The following ZCCHC7 variants were observed in gnomAD, a reference collection of about 807,000 sequenced individuals.
The protein encoded by ZCCHC7 is zinc finger CCHC domain-containing protein 7.
Under a neutral mutation model 52.0 loss-of-function variants are expected in ZCCHC7, and 35 were observed. The ratio of observed to expected loss-of-function variants is 0.67; its 90% CI spans 0.51 to 0.89. ZCCHC7 has a LOEUF of 0.89. Among genes scored for constraint, ZCCHC7 ranks in the 40% least tolerant of loss-of-function variants. The pLI, the probability that ZCCHC7 is intolerant of heterozygous loss-of-function variation, is 0.00. For missense variants in ZCCHC7, 574 were observed against 649.1 expected, an observed-to-expected ratio of 0.88 and a Z score of 1.26; for synonymous variants, 217 against 221.5, an observed-to-expected ratio of 0.98 and a Z score of 0.18.
At chr9:37,123,971 G>T (rs1324362841) in intron 1 of ZCCHC7, among the ~76,000 whole-genome samples, 1 of 151,944 alleles carries the variant, frequency 6.6e-6, no homozygotes, top group East Asian at 1.9e-4. Flanking sequence ...TTACAGGTGG[G>T]TTTATTTGTT....
chr9:37,263,131 A>G (rs1826944258), intron 2 of ZCCHC7, among the ~76,000 whole-genome samples: 1 of 151,872 alleles, frequency 6.6e-6, no homozygotes, highest in African/African-American at 2.4e-5. Flanking sequence ...TATTTTTTTA[A>G]TTCTCTATTC....
At chr9:37,346,234 G>A (rs1268922030) in intron 6 of ZCCHC7, among the ~76,000 whole-genome samples, 1 of 152,040 alleles carries the variant, frequency 6.6e-6, no homozygotes, top group Non-Finnish European at 1.5e-5. Context: ...AACTCCTGAC[G>A]TCAGGTGATC....
intron 2 of ZCCHC7, among the ~76,000 whole-genome samples, chr9:37,241,585 G>A (rs557195779): frequency 2.6e-5 from 4 of 151,872 alleles, no homozygotes; most frequent in Non-Finnish European, 4.4e-5. Flanking sequence ...CATTTCATCT[G>A]GAATAATCAC....
At chr9:37,335,854 A>G (rs953660607) in intron 6 of ZCCHC7, among the ~76,000 whole-genome samples, 3 of 152,206 alleles carry the variant, frequency 2.0e-5, no homozygotes, top group Non-Finnish European at 4.4e-5. Flanking sequence ...TAAAATGTGT[A>G]TCATAAAAAT....
intron 2 of ZCCHC7, among the ~76,000 whole-genome samples, chr9:37,237,366 C>T (rs780200150): frequency 2.5e-4 from 38 of 152,234 alleles, no homozygotes; most frequent in Admixed American, 9.2e-4. Context: ...ATCTTTCTAG[C>T]AAGACTTAAG....
intron 2 of ZCCHC7, among the ~76,000 whole-genome samples, chr9:37,252,552 A>G (rs1826380448): frequency 6.6e-6 from 1 of 152,228 alleles, no homozygotes; most frequent in Admixed American, 6.5e-5. Flanking sequence ...ATGTAAACAC[A>G]GTAGTCTCCT....
At chr9:37,181,168 GCTTT>G (rs1299906314) in intron 2 of ZCCHC7, among the ~76,000 whole-genome samples, 2 of 152,008 alleles carry the variant, frequency 1.3e-5, no homozygotes, top group South Asian at 2.1e-4. Flanking sequence ...TTGTTTTGTA[GCTTT>G]CTTTGTTATT....
At chr9:37,300,364 G>A (rs1175723622) in intron 2 of ZCCHC7, among the ~76,000 whole-genome samples, 2 of 152,182 alleles carry the variant, frequency 1.3e-5, no homozygotes, top group South Asian at 2.1e-4. Flanking sequence ...GAAAGTTGTA[G>A]CAAAGCATGC....
chr9:37,354,876 C>G lies in ZCCHC7; in HGVS notation c.1198+52C>G. 3.1e-6 allele frequency: 4 copies of G among 1,277,898 alleles called. No individual in the cohort carries two copies. The highest frequency in any genetic ancestry group is 4.4e-6 in the Non-Finnish European group (4 of 899,282). 79.2% of individuals were successfully genotyped at this position (1,277,898 alleles called of 1,614,324 possible). On this transcript the variant is annotated intron_variant, in intron 8 of 8. Coordinates refer to ENST00000336755, the MANE Select transcript of ZCCHC7 (RefSeq NM_032226.3). The surrounding 1 kb of genome is among the most constrained non-coding windows in gnomAD (Gnocchi z 4.0). ...CACATTTGCAGTAGTTTCTAAATTTCTTTGTTTGTACTGTCTTTGCCTGCT... is the reference window on the plus strand; with the variant it reads ...CACATTTGCAGTAGTTTCTAAATTTGTTTGTTTGTACTGTCTTTGCCTGCT...
intron 2 of ZCCHC7, among the ~76,000 whole-genome samples, chr9:37,236,682 C>T (rs1158513040): frequency 6.6e-6 from 1 of 152,228 alleles, no homozygotes; most frequent in Non-Finnish European, 1.5e-5. Flanking sequence ...GCGTGAGCCA[C>T]TGCACCCGGC....
intron 2 of ZCCHC7, among the ~76,000 whole-genome samples, chr9:37,163,156 G>A (rs994038336): frequency 6.6e-6 from 1 of 151,522 alleles, no homozygotes; most frequent in African/African-American, 2.4e-5. Context: ...AGCCGAGATC[G>A]CACCACTGCA....
intron 6 of ZCCHC7, among the ~76,000 whole-genome samples, chr9:37,348,350 C>CTTTCTTTCTTTCTTTCTT (rs1821144018): frequency 1.4e-5 from 1 of 70,682 alleles, no homozygotes; most frequent in Non-Finnish European, 3.2e-5. Context: ...CCAGTTCGTT[C>CTTTCTTTCTTTCTTTCTT]TTTCTTTCTT....
At chr9:37,341,778 A>G (rs1820653519) in intron 6 of ZCCHC7, among the ~76,000 whole-genome samples, 1 of 152,068 alleles carries the variant, frequency 6.6e-6, no homozygotes. Context: ...CACTATATTA[A>G]ATCTGGGAGA....
intron 2 of ZCCHC7, among the ~76,000 whole-genome samples, chr9:37,292,180 AAAATT>A (rs777808514): frequency 6.6e-6 from 1 of 152,218 alleles, no homozygotes; most frequent in Non-Finnish European, 1.5e-5. Context: ...AATGTCTTAT[AAAATT>A]ATTTTTCATT....
chr9:37,343,977 G>C (rs1026609737), intron 6 of ZCCHC7, among the ~76,000 whole-genome samples: 1 of 152,110 alleles, frequency 6.6e-6, no homozygotes, highest in African/African-American at 2.4e-5. Context: ...TTCATGTGTT[G>C]CAAACTATTC....
At chr9:37,163,976 G>C (rs551156657) in intron 2 of ZCCHC7, among the ~76,000 whole-genome samples, 7 of 152,108 alleles carry the variant, frequency 4.6e-5, no homozygotes, top group African/African-American at 1.4e-4. Context: ...TTGAAAATCA[G>C]TTGTCTGTTG....
chr9:37,169,445 A>AT (rs913397738), intron 2 of ZCCHC7, among the ~76,000 whole-genome samples: 65 of 151,792 alleles, frequency 4.3e-4, no homozygotes, highest in Non-Finnish European at 2.1e-4. Context: ...ACTTTGTGAG[A>AT]TTTTTTTTTC....
At chr9:37,305,094 A>G (rs188952050) in intron 4 of ZCCHC7, among the ~76,000 whole-genome samples, 40 of 152,344 alleles carry the variant, frequency 2.6e-4, no homozygotes, top group Admixed American at 2.2e-3. Flanking sequence ...CCAGATAATT[A>G]GCTCTTAACA....
At chr9:37,123,227 G>A (rs1000439730) in intron 1 of ZCCHC7, among the ~76,000 whole-genome samples, 3 of 125,880 alleles carry the variant, frequency 2.4e-5, no homozygotes, top group Admixed American at 7.7e-5. Context: ...GTGTGTGTGC[G>A]TGTGCGTGTG....
Sources: gnomAD v4.1 joint callset for allele counts (sites outside exome capture counted in the v4.1 genomes callset) on GRCh38, gnomAD v4.1.1 for gene constraint, Gnocchi (gnomAD v3.1) non-coding constraint, MANE v1.5 for transcripts, NCBI Gene and HGNC (gene_info 2026-07-23, HGNC 2026-07-21) for gene names.